BTBD16: variants seen among roughly 807,000 people sequenced by gnomAD.
BTBD16 encodes BTB/POZ domain-containing protein 16.
In BTBD16, 66 loss-of-function variants were observed where a neutral mutation model predicts 67.4. That is an observed-to-expected ratio of 0.98 (90% CI 0.80 to 1.20). The LOEUF (loss-of-function observed/expected upper bound fraction) is 1.20, where lower values mean the gene tolerates loss of function less well. BTBD16 is among the 50% of genes most tolerant of loss of function. The pLI is 0.00. For missense variants in BTBD16, 634 were observed against 616.0 expected, an observed-to-expected ratio of 1.03 and a Z score of -0.31; for synonymous variants, 242 against 236.4, an observed-to-expected ratio of 1.02 and a Z score of -0.22.
chr10:122,274,718 A>G (rs772354305), intron 1 of BTBD16, among the ~76,000 whole-genome samples: 1 of 152,152 alleles, frequency 6.6e-6, no homozygotes, highest in Non-Finnish European at 1.5e-5. Flanking sequence ...TGAATGATCA[A>G]TTATGTGATC....
At position 122,337,999 on chromosome 10, in the gene BTBD16, T is replaced by G; in HGVS notation, c.1453-18T>G. 6.3e-7 allele frequency: 1 copy of G among 1,598,004 alleles called. No individual in the cohort carries two copies. The highest frequency in any genetic ancestry group is 1.1e-5 in the South Asian group (1 of 89,954). On this transcript the variant is annotated intron_variant, in intron 15 of 15. Transcript: ENST00000260723. Reference sequence around the variant, plus strand: ...CATCCTAAAAGTCACATTCACTTTGTTTTTTTTCATGTTTTAGACCTTGAA... The same window carrying G: ...CATCCTAAAAGTCACATTCACTTTGGTTTTTTTCATGTTTTAGACCTTGAA...
At chr10:122,304,346 C>G (rs573833667) in intron 9 of BTBD16, among the ~76,000 whole-genome samples, 3 of 152,120 alleles carry the variant, frequency 2.0e-5, no homozygotes, top group African/African-American at 7.2e-5. Flanking sequence ...TGGTGCCACC[C>G]ACCATAACCA....
chr10:122,280,862 G>A (rs989047062), intron 3 of BTBD16, among the ~76,000 whole-genome samples: 9 of 152,192 alleles, frequency 5.9e-5, no homozygotes, highest in Non-Finnish European at 1.3e-4. Context: ...CTGGAGTGTA[G>A]TAGTGCAATC....
intron 10 of BTBD16, among the ~76,000 whole-genome samples, chr10:122,325,219 C>G (rs1565019989): frequency 2.0e-5 from 3 of 152,164 alleles, no homozygotes; most frequent in Admixed American, 2.0e-4. Context: ...TTGGCAGGGA[C>G]CAGGTCATTC....
At position 122,275,166 on chromosome 10, in the gene BTBD16, A is replaced by T. The variant is rs2096337771; in HGVS notation, c.18+67A>T. ...AGCATTTGCTTATGGTCATTTTGAC[A>T]AATTTCCACAAGGGGCTGGGTTCTG... On this transcript the variant is annotated intron_variant, in intron 2 of 15. Transcript: ENST00000260723. 6.0e-6 allele frequency: 9 copies of T among 1,498,746 alleles called. No homozygotes were observed. In the South Asian group the frequency reaches 1.0e-4, roughly 17 times the overall value. 92.8% of individuals were successfully genotyped at this position (1,498,746 alleles called of 1,614,324 possible).
intron 10 of BTBD16, among the ~76,000 whole-genome samples, chr10:122,307,854 T>C (rs2096406368): frequency 6.6e-6 from 1 of 152,248 alleles, no homozygotes; most frequent in South Asian, 2.1e-4. Flanking sequence ...GTGACCTGTT[T>C]AAGCCAAGTT....
chr10:122,329,646 G>C (rs1036693180), intron 11 of BTBD16, 75 bp downstream of exon 11: 10 of 1,278,078 alleles, frequency 7.8e-6, no homozygotes, highest in Non-Finnish European at 1.1e-5. Context: ...CACTGCCGGG[G>C]GAGCCCCACC....
At chr10:122,284,967 T>C (rs2096360765) in intron 4 of BTBD16, among the ~76,000 whole-genome samples, 1 of 152,140 alleles carries the variant, frequency 6.6e-6, no homozygotes, top group Admixed American at 6.5e-5. Flanking sequence ...GCTGAGACTT[T>C]TTCTAACTCA....
chr10:122,296,587 C>G (rs916736354), intron 7 of BTBD16, among the ~76,000 whole-genome samples: 5 of 152,196 alleles, frequency 3.3e-5, no homozygotes, highest in African/African-American at 1.2e-4. Context: ...AGCAATTTTG[C>G]TGCAGAGAGG....
At chr10:122,308,092 G>A (rs1350352165) in intron 10 of BTBD16, among the ~76,000 whole-genome samples, 2 of 152,148 alleles carry the variant, frequency 1.3e-5, no homozygotes, top group African/African-American at 4.8e-5. Flanking sequence ...TTTTTCCAAT[G>A]AGTCATGCAC....
intron 10 of BTBD16, among the ~76,000 whole-genome samples, chr10:122,325,537 C>T (rs1457332184): frequency 2.0e-5 from 3 of 152,094 alleles, no homozygotes; most frequent in Non-Finnish European, 2.9e-5. Flanking sequence ...CCCAGGACAG[C>T]ATGTGACAGG....
At chr10:122,305,983 C>T (rs2096403056) in intron 9 of BTBD16, among the ~76,000 whole-genome samples, 2 of 152,158 alleles carry the variant, frequency 1.3e-5, no homozygotes, top group Non-Finnish European at 2.9e-5. Flanking sequence ...TTTACCCAGT[C>T]CACCACTGAT....
At chr10:122,297,241 G>A (rs1335531486) in intron 7 of BTBD16, among the ~76,000 whole-genome samples, 2 of 152,242 alleles carry the variant, frequency 1.3e-5, no homozygotes. Flanking sequence ...CAGGTGCCTA[G>A]CACACGGTAT....
chr10:122,279,511 A>AACACATACACACAC (rs2096347780), intron 3 of BTBD16, among the ~76,000 whole-genome samples: 1 of 143,868 alleles, frequency 7.0e-6, no homozygotes. Context: ...GAGAAAGAGA[A>AACACATACACACAC]ACACACACAC....
intron 3 of BTBD16, among the ~76,000 whole-genome samples, chr10:122,282,868 A>G (rs1292224307): frequency 6.6e-6 from 1 of 152,212 alleles, no homozygotes; most frequent in African/African-American, 2.4e-5. Flanking sequence ...CCCCAGAGAA[A>G]GCGGCAATGA....
chr10:122,295,045 G>A (rs1197709330), intron 7 of BTBD16, among the ~76,000 whole-genome samples: 2 of 152,216 alleles, frequency 1.3e-5, no homozygotes, highest in South Asian at 4.1e-4. Context: ...AGGACGAAAA[G>A]GCCTCCACCT....
chr10:122,279,515 C>A (rs1374908783), intron 3 of BTBD16, among the ~76,000 whole-genome samples: 2 of 145,696 alleles, frequency 1.4e-5, no homozygotes, highest in African/African-American at 5.5e-5. Context: ...AAGAGAAACA[C>A]ACACACACAC....
intron 9 of BTBD16, among the ~76,000 whole-genome samples, chr10:122,302,032 G>A (rs957617892): frequency 3.9e-5 from 6 of 152,228 alleles, no homozygotes; most frequent in Non-Finnish European, 4.4e-5. Context: ...CCAAGGTCAG[G>A]GGTGGAGTGG....
chr10:122,322,624 G>A (rs991435853), intron 10 of BTBD16, among the ~76,000 whole-genome samples: 1 of 152,220 alleles, frequency 6.6e-6, no homozygotes, highest in Non-Finnish European at 1.5e-5. Context: ...GCCCATTGCA[G>A]TTTGGAATCC....
Sources: allele counts gnomAD v4.1 joint callset (sites outside exome capture counted in the v4.1 genomes callset), GRCh38; gene constraint gnomAD v4.1.1; transcripts MANE v1.5; gene names NCBI Gene and HGNC (gene_info 2026-07-23, HGNC 2026-07-21).